PNPLA1: variants seen among roughly 807,000 people sequenced by gnomAD.
PNPLA1 encodes omega-hydroxyceramide transacylase.
A neutral mutation model predicts 51.7 loss-of-function variants in PNPLA1; 36 were observed. That is an observed-to-expected ratio of 0.70 (90% CI 0.53 to 0.92). The LOEUF is 0.92. PNPLA1 is among the 40% of genes least tolerant of loss of function. The pLI, the probability that PNPLA1 is intolerant of heterozygous loss-of-function variation, is 0.00. For synonymous variants in PNPLA1, 293 were observed against 280.1 expected (o/e 1.05, Z -0.46); for missense variants, 658 against 682.5 (o/e 0.96, Z 0.40).
At chr6:36,272,556 T>C (rs550164480) in intron 1 of PNPLA1, among the ~76,000 whole-genome samples, 1 of 152,312 alleles carries the variant, frequency 6.6e-6, no homozygotes, top group East Asian at 1.9e-4. Flanking sequence ...ACCTGACATA[T>C]GGCAAGTGTT....
chr6:36,310,735 G>A (rs1350575383), intron 8 of PNPLA1, among the ~76,000 whole-genome samples: 1 of 152,214 alleles, frequency 6.6e-6, no homozygotes, highest in African/African-American at 2.4e-5. Flanking sequence ...TACAGCCTAC[G>A]AGGGTGGTGG....
At chr6:36,282,092 G>GAAAGAAAGAAAGAAAGAAAAGAAA (rs59914317) in intron 1 of PNPLA1, among the ~76,000 whole-genome samples, 2 of 40,718 alleles carry the variant, frequency 4.9e-5, no homozygotes, top group African/African-American at 2.3e-4. Context: ...AAAGAAAGAA[G>GAAAGAAAGAAAGAAAGAAAAGAAA]GAAGGAAGGA....
upstream of PNPLA1, among the ~76,000 whole-genome samples, chr6:36,268,174 G>A (rs1769806796): frequency 6.6e-6 from 1 of 152,030 alleles, no homozygotes; most frequent in Non-Finnish European, 1.5e-5. Context: ...TGTGGATCAA[G>A]CCTTCCCCTT....
At chr6:36,292,943 C>T (rs1175521170) in intron 2 of PNPLA1, 118 bp from the exon 3 acceptor site, 2 of 817,246 alleles carry the variant, frequency 2.4e-6, no homozygotes, top group Non-Finnish European at 3.8e-6. Flanking sequence ...AGTGTGGCAC[C>T]TTCACCTAGA....
At chr6:36,252,986 G>GC (rs1166274320) in intron 1 of PNPLA1, among the ~76,000 whole-genome samples, 1 of 152,118 alleles carries the variant, frequency 6.6e-6, no homozygotes, top group African/African-American at 2.4e-5. Context: ...TTCGAAACCA[G>GC]CCTGGGCAAC....
In PNPLA1 at chr6:36,302,077, C is replaced by G. The variant is rs752563994; in HGVS notation, c.992C>G (p.Pro331Arg). The change falls in exon 6 of 9, where the codon CCT becomes CGT. Residue 331 changes from proline to arginine, a missense_variant. Transcript: ENST00000636260. ...RGSHGPPVSQ[P>R]VQTLEFTCES... ...AGCCATGGTCCGCCTGTGTCCCAACCTGTGCAGACACTTGAATTCACATGC... is the reference window on the plus strand; with the variant it reads ...AGCCATGGTCCGCCTGTGTCCCAACGTGTGCAGACACTTGAATTCACATGC... 11 of 1,614,112 alleles carry G rather than the reference C, an allele frequency of 6.8e-6. No individual in the cohort carries two copies. The highest frequency in any genetic ancestry group is 9.3e-6 in the Non-Finnish European group (11 of 1,180,048).
chr6:36,293,082 G>T lies in PNPLA1; in HGVS notation c.460G>T (p.Val154Phe), dbSNP rs750855340. Residue 154 changes from valine (V) to phenylalanine (F), a missense_variant, in exon 3 of 9, where the codon GTC (valine) becomes TTC (phenylalanine). Transcript: ENST00000636260. ...LIEALYCSCF[V>F]PVYCGLIPPT... is the part of the protein sequence containing the mutation. Reference sequence around the variant, plus strand: ...ACAGGCCCTATACTGCAGCTGCTTCGTCCCGGTGTACTGTGGCCTCATCCC... The same window carrying T: ...ACAGGCCCTATACTGCAGCTGCTTCTTCCCGGTGTACTGTGGCCTCATCCC... The T allele has an allele frequency of 1.9e-6, 3 of 1,613,954 alleles. No individual in the cohort carries two copies. The highest frequency in any genetic ancestry group is 2.7e-5 in the African/African-American group (2 of 74,892).
intron 6 of PNPLA1, among the ~76,000 whole-genome samples, chr6:36,305,770 T>C (rs1173363950): frequency 1.8e-4 from 4 of 22,166 alleles, no homozygotes; most frequent in Non-Finnish European, 3.3e-4. Flanking sequence ...ACTTTTCTCT[T>C]TTTTTTTTTT....
chr6:36,293,836 G>C (rs967339351), intron 3 of PNPLA1, among the ~76,000 whole-genome samples: 1 of 152,214 alleles, frequency 6.6e-6, no homozygotes, highest in Non-Finnish European at 1.5e-5. Flanking sequence ...GGGTGAACAG[G>C]TGGTGGGGCT....
intron 1 of PNPLA1, among the ~76,000 whole-genome samples, chr6:36,271,315 C>T (rs771070167): frequency 4.6e-5 from 7 of 152,078 alleles, no homozygotes; most frequent in Non-Finnish European, 7.4e-5. Flanking sequence ...AACACTGTCC[C>T]GGACAGCAGA....
At chr6:36,299,085 A>G (rs545901873) in intron 5 of PNPLA1, among the ~76,000 whole-genome samples, 158 of 152,176 alleles carry the variant, frequency 1.0e-3, no homozygotes, top group African/African-American at 3.7e-3. Context: ...TTCTTTGTCC[A>G]TCCATCTGAC....
chr6:36,245,412 T>C (rs1769248315), intron 1 of PNPLA1, among the ~76,000 whole-genome samples: 1 of 152,244 alleles, frequency 6.6e-6, no homozygotes, highest in African/African-American at 2.4e-5. Flanking sequence ...ATTATTTCCT[T>C]CTTGCTTATC....
chr6:36,300,178 T>TGTGAGAGAGAGAGA, intron 5 of PNPLA1, among the ~76,000 whole-genome samples: 3 of 98,086 alleles, frequency 3.1e-5, no homozygotes, highest in African/African-American at 1.0e-4. Flanking sequence ...TGTGTGTGTG[T>TGTGAGAGAGAGAGA]GAGAGAGAGA....
intron 1 of PNPLA1, among the ~76,000 whole-genome samples, chr6:36,273,925 G>A (rs1770010722): frequency 6.6e-6 from 1 of 152,014 alleles, no homozygotes; most frequent in South Asian, 2.1e-4. Context: ...TAGACTGTGG[G>A]CTGCTCGTAA....
chr6:36,301,930 A>G lies in PNPLA1; in HGVS notation c.845A>G (p.Glu282Gly), dbSNP rs371888522. 275 of 1,614,066 alleles carry G rather than the reference A, an allele frequency of 1.7e-4. No individual in the cohort carries two copies. The highest frequency in any genetic ancestry group is 2.2e-4 in the Non-Finnish European group (265 of 1,180,042). ...FPRVEVYCQI[E>G]LALGNECPER... ...CGGGTGGAAGTGTACTGCCAGATAG[A>G]ACTCGCCCTTGGCAATGAGTGCCCT... is the stretch of plus-strand genomic sequence containing the variant. Residue 282 changes from glutamate (E) to glycine (G), a missense_variant, in exon 6 of 9, where the codon GAA becomes GGA. Coordinates refer to ENST00000636260, the MANE Select transcript of PNPLA1 (RefSeq NM_001374623.1).
At chr6:36,287,914 C>T (rs534836276) in intron 1 of PNPLA1, among the ~76,000 whole-genome samples, 3 of 152,330 alleles carry the variant, frequency 2.0e-5, no homozygotes, top group East Asian at 3.9e-4. Context: ...TCCTCCCAGG[C>T]TACATGACTG....
At chr6:36,300,178 T>TGTGTGTGTGTGTGAGAGAGAGAGAGA in intron 5 of PNPLA1, among the ~76,000 whole-genome samples, 3 of 98,140 alleles carry the variant, frequency 3.1e-5, no homozygotes, top group African/African-American at 1.0e-4. Context: ...TGTGTGTGTG[T>TGTGTGTGTGTGTGAGAGAGAGAGAGA]GAGAGAGAGA....
intron 1 of PNPLA1, among the ~76,000 whole-genome samples, chr6:36,254,446 T>A (rs1769486277): frequency 6.6e-6 from 1 of 151,898 alleles, no homozygotes; most frequent in Non-Finnish European, 1.5e-5. Context: ...CGTGGTGGGG[T>A]GCACCTGTAG....
chr6:36,309,592 C>G (rs1771342813), intron 8 of PNPLA1, among the ~76,000 whole-genome samples: 1 of 152,168 alleles, frequency 6.6e-6, no homozygotes, highest in South Asian at 2.1e-4. Context: ...AACAAACCTT[C>G]TGGGAATGAA....
Sources: allele counts gnomAD v4.1 joint callset (sites outside exome capture counted in the v4.1 genomes callset), GRCh38; gene constraint gnomAD v4.1.1; transcripts MANE v1.5; gene names NCBI Gene and HGNC (gene_info 2026-07-23, HGNC 2026-07-21).